The following CTIF variants were observed in gnomAD, a reference collection of about 807,000 sequenced individuals.
CTIF encodes CBP80/20-dependent translation initiation factor.
A neutral mutation model predicts 66.0 loss-of-function variants in CTIF; 21 were observed. The ratio of observed to expected loss-of-function variants is 0.32; its 90% CI spans 0.23 to 0.46. CTIF has a LOEUF of 0.46. Among genes scored for constraint, CTIF ranks in the 20% least tolerant of loss-of-function variants. The probability of loss-of-function intolerance (pLI) is 1.00; values close to 1 mark genes in which losing one functional copy is unlikely to be tolerated. For missense variants in CTIF, 739 were observed against 812.7 expected (o/e 0.91, Z 1.10); for synonymous variants, 345 against 326.4 (o/e 1.06, Z -0.62).
At chr18:48,832,173 C>CTTTTTTTTTTTTTTTTT (rs61221781) in intron 10 of CTIF, among the ~76,000 whole-genome samples, 1 of 128,290 alleles carries the variant, frequency 7.8e-6, no homozygotes, top group African/African-American at 3.2e-5. Flanking sequence ...CGTGGTCCTT[C>CTTTTTTTTTTTTTTTTT]TTTTTTTTTT....
chr18:48,751,371 C>T (rs936215461), intron 7 of CTIF, among the ~76,000 whole-genome samples: 3 of 152,208 alleles, frequency 2.0e-5, no homozygotes, highest in Non-Finnish European at 4.4e-5. Flanking sequence ...TCCTTTCCTT[C>T]GTGATTCTTG....
intron 1 of CTIF, among the ~76,000 whole-genome samples, chr18:48,552,785 A>C (rs1014644586): frequency 2.0e-5 from 3 of 152,212 alleles, no homozygotes; most frequent in Non-Finnish European, 1.5e-5. Context: ...GTTTTGCTCA[A>C]GCTTTGCCTG....
At chr18:48,766,234 C>G (rs992676957) in intron 9 of CTIF, among the ~76,000 whole-genome samples, 4 of 151,836 alleles carry the variant, frequency 2.6e-5, no homozygotes, top group South Asian at 4.2e-4. Context: ...GATTCTGATG[C>G]AAGAGGCCTG....
At chr18:48,754,838 T>G (rs1908193542) in intron 7 of CTIF, among the ~76,000 whole-genome samples, 1 of 152,226 alleles carries the variant, frequency 6.6e-6, no homozygotes, top group Admixed American at 6.5e-5. Flanking sequence ...CAGAAAGACA[T>G]GGAATTCCAG....
intron 1 of CTIF, among the ~76,000 whole-genome samples, chr18:48,611,539 G>A (rs1282503389): frequency 6.6e-6 from 1 of 152,256 alleles, no homozygotes; most frequent in African/African-American, 2.4e-5. Context: ...AGACGTGCAA[G>A]ATTTTCTAGA....
chr18:48,638,692 C>T (rs1415343857), intron 3 of CTIF, among the ~76,000 whole-genome samples: 1 of 152,254 alleles, frequency 6.6e-6, no homozygotes, highest in Non-Finnish European at 1.5e-5. Context: ...CCAATCTCAC[C>T]TTCAAGAAGC....
intron 9 of CTIF, among the ~76,000 whole-genome samples, chr18:48,793,923 G>A (rs1406193131): frequency 6.6e-6 from 1 of 152,186 alleles, no homozygotes; most frequent in Non-Finnish European, 1.5e-5. Flanking sequence ...ATGAGATCCT[G>A]AGTCTCCCAG....
At chr18:48,604,353 T>C (rs1018464858) in intron 1 of CTIF, among the ~76,000 whole-genome samples, 6 of 151,184 alleles carry the variant, frequency 4.0e-5, no homozygotes, top group Non-Finnish European at 8.8e-5. Context: ...ATTTTTTGTA[T>C]ATTTTTAGTA....
intron 7 of CTIF, among the ~76,000 whole-genome samples, chr18:48,729,762 C>A (rs764790131): frequency 9.2e-5 from 14 of 152,084 alleles, no homozygotes; most frequent in Non-Finnish European, 1.9e-4. Flanking sequence ...GGTCCTGCCT[C>A]GGGTAGAGGA....
chr18:48,772,843 A>T (rs943221359), intron 9 of CTIF, among the ~76,000 whole-genome samples: 1 of 152,230 alleles, frequency 6.6e-6, no homozygotes, highest in South Asian at 2.1e-4. Flanking sequence ...TCTTTGGGGT[A>T]TATACCTAGA....
intron 7 of CTIF, among the ~76,000 whole-genome samples, chr18:48,746,259 C>T (rs2092595615): frequency 6.6e-6 from 1 of 152,064 alleles, no homozygotes; most frequent in South Asian, 2.1e-4. Context: ...ACCTGTTTTC[C>T]AGCCCCCAGG....
chr18:48,819,034 T>G (rs1434155017), intron 10 of CTIF, among the ~76,000 whole-genome samples: 1 of 152,122 alleles, frequency 6.6e-6, no homozygotes, highest in African/African-American at 2.4e-5. Context: ...TTTTGAAGCA[T>G]CCGTTTATAG....
intron 6 of CTIF, among the ~76,000 whole-genome samples, chr18:48,698,104 TAAAAAAAAAAAAAAAAAAAAAAA>T (rs527429582): frequency 0.13 from 1,730 of 13,082 alleles, 108 homozygotes; most frequent in African/African-American, 0.27. Context: ...TAGCCATCAT[TAAAAAAAAAAAAAAAAAAAAAAA>T]AAAAAAAAAA....
At chr18:48,779,291 A>G (rs970605850) in intron 9 of CTIF, among the ~76,000 whole-genome samples, 1 of 152,096 alleles carries the variant, frequency 6.6e-6, no homozygotes, top group Non-Finnish European at 1.5e-5. Context: ...TATCCCTTAG[A>G]CCTTTGTGGG....
At position 48,584,339 on chromosome 18, in the gene CTIF, A is replaced by C. The variant is rs577577470; in HGVS notation, c.-28-35199A>C. ...TTACTTACACAATTCTGTTAGCCAT[A>C]TGTTGCTGTTCTTTGCACAAGAAAC... On this transcript the variant is annotated intron_variant, in intron 1 of 11. Transcript: ENST00000256413. Among the ~76,000 whole-genome samples, 23 of 152,308 alleles carry C rather than the reference A, an allele frequency of 1.5e-4. No homozygotes were observed. The East Asian group carries it at 4.4e-3, about 29-fold the overall frequency.
At chr18:48,844,347 C>T (rs1354766789) in intron 10 of CTIF, among the ~76,000 whole-genome samples, 1 of 152,190 alleles carries the variant, frequency 6.6e-6, no homozygotes, top group African/African-American at 2.4e-5. Flanking sequence ...GAGCTTGGTC[C>T]ACAGGAGAAG....
intron 9 of CTIF, among the ~76,000 whole-genome samples, chr18:48,800,447 C>G (rs1021757227): frequency 4.6e-5 from 7 of 152,224 alleles, no homozygotes; most frequent in African/African-American, 1.7e-4. Flanking sequence ...CATCACATTC[C>G]CCACCCTCAG....
intron 1 of CTIF, among the ~76,000 whole-genome samples, chr18:48,579,239 C>A (rs577516161): frequency 1.8e-4 from 28 of 152,168 alleles, no homozygotes; most frequent in Middle Eastern, 6.8e-3. Flanking sequence ...GTGATTCTCC[C>A]AAATTCAAGT....
intron 1 of CTIF, among the ~76,000 whole-genome samples, chr18:48,573,503 T>A (rs990808101): frequency 3.3e-5 from 5 of 152,256 alleles, no homozygotes; most frequent in Non-Finnish European, 7.3e-5. Flanking sequence ...GTGTACATTT[T>A]AAAAACATAC....
Sources: allele counts gnomAD v4.1 joint callset (sites outside exome capture counted in the v4.1 genomes callset), GRCh38; gene constraint gnomAD v4.1.1; transcripts MANE v1.5; gene names NCBI Gene and HGNC (gene_info 2026-07-23, HGNC 2026-07-21).